RLN2: variants seen among roughly 807,000 people sequenced by gnomAD.
RLN2 encodes prorelaxin H2.
In RLN2, 10 loss-of-function variants were observed where a neutral mutation model predicts 7.3. The observed-to-expected ratio is 1.36, with a 90% confidence interval of 0.84 to 2.31. The LOEUF is 2.31. Among genes scored for constraint, RLN2 ranks in the 30% most tolerant of loss-of-function variants. The pLI, the probability that RLN2 is intolerant of heterozygous loss-of-function variation, is 0.00. For synonymous variants in RLN2, 103 were observed against 82.3 expected, an observed-to-expected ratio of 1.25 and a Z score of -1.36; for missense variants, 298 against 217.6, an observed-to-expected ratio of 1.37 and a Z score of -2.32.
chr9:5,301,168 T>G (rs373034413), intron 1 of RLN2, among the ~76,000 whole-genome samples: 1 of 152,204 alleles, frequency 6.6e-6, no homozygotes, highest in South Asian at 2.1e-4. Context: ...ACTAATGTTT[T>G]CTGTTTGATA....
At chr9:5,330,335 T>C in the RLN2 span, among the ~76,000 whole-genome samples, 1 of 151,784 alleles carries the variant, frequency 6.6e-6, no homozygotes, top group African/African-American at 2.4e-5. Context: ...CACTCTAACA[T>C]CACAATTAAA....
rs1200644915 is a variant in RLN2, at chr9:5,304,225, G to A, written c.211+145C>T. On this transcript the variant is annotated intron_variant, in intron 1 of 1. Transcript: ENST00000381627. ...GCAAAGGAAAAGCCCAAACTTTAGGGACCAGCCACGGCTGAGTAGGGGCTG... is the reference window on the plus strand; with the variant it reads ...GCAAAGGAAAAGCCCAAACTTTAGGAACCAGCCACGGCTGAGTAGGGGCTG... 4 of 578,766 alleles carry A rather than the reference G, an allele frequency of 6.9e-6. No homozygotes were observed. In the African/African-American group the frequency reaches 7.9e-5, roughly 11 times the overall value. 35.9% of individuals were successfully genotyped at this position (578,766 alleles called of 1,614,324 possible).
chr9:5,302,765 CA>C lies in RLN2; in HGVS notation c.211+1604del, dbSNP rs554721340. Among the ~76,000 whole-genome samples, 224 of 152,040 alleles carry C rather than the reference CA, an allele frequency of 1.5e-3. 1 individual carries two copies. Among genetic ancestry groups the C allele is most frequent in the African/African-American group, 4.1e-3 (172 of 41,502 alleles). On this transcript the variant is annotated intron_variant, in intron 1 of 1. Coordinates refer to ENST00000381627, the MANE Select transcript of RLN2 (RefSeq NM_134441.3). The stretch of plus-strand genomic sequence containing the variant: ...TTAAGTGTATGTGGCAGATTTATGA[CA>C]AAAAATACTACACAGGAATTTCAAA...
At chr9:5,327,996 C>G in the RLN2 span, among the ~76,000 whole-genome samples, 3 of 151,860 alleles carry the variant, frequency 2.0e-5, no homozygotes, top group African/African-American at 7.3e-5. Context: ...AAAAACAGAG[C>G]ACCACTTCTC....
At chr9:5,308,318 A>G (rs62557688), upstream of RLN2, among the ~76,000 whole-genome samples, 4,458 of 152,036 alleles carry the variant, frequency 0.029, 107 homozygotes, top group Non-Finnish European at 0.047. Flanking sequence ...TTTTTTCCTC[A>G]CTTCTTACTT....
upstream of RLN2, among the ~76,000 whole-genome samples, chr9:5,306,543 C>T (rs1002300564): frequency 6.6e-6 from 1 of 152,016 alleles, no homozygotes; most frequent in African/African-American, 2.4e-5. Flanking sequence ...TGTGGGCTTA[C>T]CCTACTGCTA....
At chr9:5,312,687 A>G in the RLN2 span, among the ~76,000 whole-genome samples, 1 of 151,718 alleles carries the variant, frequency 6.6e-6, no homozygotes, top group Non-Finnish European at 1.5e-5. Context: ...GTTTATGGAG[A>G]GTATCTTTAA....
At chr9:5,337,099 T>A in the RLN2 span, among the ~76,000 whole-genome samples, 13 of 152,092 alleles carry the variant, frequency 8.5e-5, no homozygotes, top group Non-Finnish European at 1.5e-5. Context: ...AGAATTTATA[T>A]CATTTTTGGT....
chr9:5,312,415 G>C, the RLN2 span, among the ~76,000 whole-genome samples: 3 of 152,042 alleles, frequency 2.0e-5, no homozygotes, highest in Non-Finnish European at 2.9e-5. Context: ...TTTCTAGATT[G>C]TGGATCTTCA....
chr9:5,331,341 A>G, the RLN2 span, among the ~76,000 whole-genome samples: 3 of 152,006 alleles, frequency 2.0e-5, no homozygotes, highest in African/African-American at 4.8e-5. Context: ...GAAAATCCTC[A>G]ATAAATCACG....
At chr9:5,303,963 C>G in intron 1 of RLN2, 1 of 167,860 alleles carries the variant, frequency 6.0e-6, no homozygotes, top group Non-Finnish European at 1.1e-5. Flanking sequence ...CCCCCACCAG[C>G]ACGCCCGCTG....
intron 1 of RLN2, among the ~76,000 whole-genome samples, chr9:5,303,027 A>G (rs944593472): frequency 9.6e-6 from 1 of 104,530 alleles, no homozygotes; most frequent in African/African-American, 3.8e-5. Flanking sequence ...TATGAGCATT[A>G]CTACTTTTAT....
the RLN2 span, among the ~76,000 whole-genome samples, chr9:5,322,336 A>T: frequency 6.6e-6 from 1 of 151,950 alleles, no homozygotes; most frequent in Non-Finnish European, 1.5e-5. Context: ...CAGTCATAGG[A>T]CTGCAGCATG....
the RLN2 span, among the ~76,000 whole-genome samples, chr9:5,320,532 G>A: frequency 4.6e-5 from 7 of 150,784 alleles, no homozygotes; most frequent in Non-Finnish European, 8.9e-5. Context: ...CACCACACGC[G>A]GCTACGTTTT....
chr9:5,320,352 CA>C, the RLN2 span, among the ~76,000 whole-genome samples: 4 of 151,982 alleles, frequency 2.6e-5, no homozygotes, highest in African/African-American at 9.7e-5. Context: ...TGGACACTAA[CA>C]AGGACACAAC....
chr9:5,335,550 T>C, the RLN2 span: 14 of 1,611,988 alleles, frequency 8.7e-6, no homozygotes, highest in South Asian at 1.1e-4. Context: ...AATTCCAACA[T>C]GATAATTATA....
chr9:5,335,167 T>G, the RLN2 span: 1 of 717,444 alleles, frequency 1.4e-6, no homozygotes, highest in Non-Finnish European at 2.2e-6. Flanking sequence ...TTCTAATAAT[T>G]AGTGGGACCT....
the RLN2 span, among the ~76,000 whole-genome samples, chr9:5,329,949 G>A: frequency 6.6e-6 from 1 of 151,902 alleles, no homozygotes; most frequent in Non-Finnish European, 1.5e-5. Flanking sequence ...CAAATCAACA[G>A]AATATACATT....
chr9:5,328,689 C>A, the RLN2 span, among the ~76,000 whole-genome samples: 3 of 151,988 alleles, frequency 2.0e-5, no homozygotes, highest in Admixed American at 2.0e-4. Context: ...CAAAGGGAAG[C>A]CCATCAGACT....
Sources: allele counts gnomAD v4.1 joint callset (sites outside exome capture counted in the v4.1 genomes callset), GRCh38; gene constraint gnomAD v4.1.1; transcripts MANE v1.5; gene names NCBI Gene and HGNC (gene_info 2026-07-23, HGNC 2026-07-21).